EIF5: variants seen among roughly 807,000 people sequenced by gnomAD.
The protein encoded by EIF5 is eukaryotic translation initiation factor 5.
EIF5 carries 10 observed loss-of-function variants against 48.3 expected under a neutral mutation model. The observed-to-expected ratio is 0.21, with a 90% CI of 0.13 to 0.35. EIF5 has a LOEUF of 0.35. Among genes scored for constraint, EIF5 ranks in the 10% least tolerant of loss-of-function variants. The pLI is 1.00. For synonymous variants in EIF5, 237 were observed against 173.1 expected (o/e 1.37, Z -2.90); for missense variants, 397 against 533.2 (o/e 0.74, Z 2.51).
At chr14:103,336,232 A>G in intron 4 of EIF5, 115 bp downstream of exon 4, 1 of 1,093,554 alleles carries the variant, frequency 9.1e-7, no homozygotes. Context: ...AAGTTAAGTG[A>G]GGAACCGTGG....
rs1566722514 is a variant in EIF5, at chr14:103,339,315, C to T, written c.888C>T (p.Tyr296=). The part of the protein sequence containing the change: ...NEKIREQIKK[Y]RRHFLRFCHN... Reference sequence around the variant, plus strand: ...AGATTAGAGAACAGATTAAGAAATACAGGCGCCATTTCCTACGAGTAAGCA... The same window carrying T: ...AGATTAGAGAACAGATTAAGAAATATAGGCGCCATTTCCTACGAGTAAGCA... Residue 296 remains tyrosine (Y), a synonymous_variant, in exon 9 of 12, where the codon TAC becomes TAT. Coordinates refer to ENST00000216554, the MANE Select transcript of EIF5 (RefSeq NM_001969.5). 5 of 1,594,806 alleles carry T rather than the reference C, an allele frequency of 3.1e-6. No individual in the cohort carries two copies. The highest frequency in any genetic ancestry group is 4.5e-5 in the East Asian group (2 of 44,826).
At position 103,338,419 on chromosome 14, in the gene EIF5, A is replaced by ACACCACCACCAC. The variant is rs548001106; in HGVS notation, c.544_555dup (p.Pro182_Pro185dup). The ACACCACCACCAC allele has an allele frequency of 3.7e-6, 6 of 1,600,440 alleles. No homozygotes were observed. Among genetic ancestry groups the ACACCACCACCAC allele is most frequent in the Non-Finnish European group, 5.1e-6 (6 of 1,172,884 alleles). On this transcript the variant is annotated inframe_insertion, in exon 7 of 12. Transcript: ENST00000216554. ...AAATGGCTCCGTATCCAGCAGTGAG[A>ACACCACCACCAC]CACCACCACCACCACCACCACCAAA...
intron 8 of EIF5, 75 bp downstream of exon 8, chr14:103,338,968 C>T: frequency 1.3e-6 from 2 of 1,549,858 alleles, no homozygotes; most frequent in Non-Finnish European, 1.7e-6. Context: ...GATACTTTAG[C>T]AGTGTAATTA....
chr14:103,337,962 A>AATAT (rs746867235), intron 6 of EIF5: 3 of 536,168 alleles, frequency 5.6e-6, no homozygotes, highest in Non-Finnish European at 1.1e-5. Flanking sequence ...GCCGTTATAT[A>AATAT]GACTTAAACA....
chr14:103,341,221 C>T lies in EIF5; in HGVS notation c.*169C>T. On this transcript the variant is annotated 3_prime_UTR_variant, in exon 12 of 12. Transcript: ENST00000216554. ...TCTGTTATTAAGCCCAATGAGACAT[C>T]TAGGGAGTCCATACACATCAGTGAG... The T allele has an allele frequency of 4.9e-6, 3 of 606,312 alleles. No homozygotes were observed. The South Asian group carries it at 5.7e-5, about 11-fold the overall frequency. 37.6% of individuals were successfully genotyped at this position (606,312 alleles called of 1,614,324 possible).
chr14:103,335,120 C>G (rs566942259), intron 2 of EIF5: 1 of 152,308 alleles, frequency 6.6e-6, no homozygotes. Context: ...CTGGCGTTCG[C>G]TCGCGCTCTC....
chr14:103,336,576 T>C (rs2089289185), intron 4 of EIF5, 101 bp from the exon 5 acceptor site: 2 of 1,242,766 alleles, frequency 1.6e-6, no homozygotes, highest in African/African-American at 1.6e-5. Context: ...GTGAGACTCT[T>C]GTCTCAAAAA....
chr14:103,334,474 C>A lies in EIF5; in HGVS notation c.-332C>A, dbSNP rs902611530. 1 of 152,396 alleles carries A rather than the reference C, an allele frequency of 6.6e-6. No homozygotes were observed. The allele number at this position is 152,396 out of a possible 1,614,324, so 9.4% of individuals were successfully genotyped here. On this transcript the variant is annotated 5_prime_UTR_variant, in exon 2 of 12. Coordinates refer to ENST00000216554, the MANE Select transcript of EIF5 (RefSeq NM_001969.5). ...CGCTGCTCGGCGGCGGCACCTGGCC[C>A]GGCCGCTCCTCGCTGCGCTTCGCCT... is the stretch of plus-strand genomic sequence containing the variant.
rs548232453 is a variant in EIF5, at chr14:103,335,069, C to T, written c.-209+472C>T. 148 of 152,380 alleles carry T rather than the reference C, an allele frequency of 9.7e-4. 1 individual carries two copies. The highest frequency in any genetic ancestry group is 3.3e-3 in the African/African-American group (139 of 41,598). 9.4% of individuals were successfully genotyped at this position (152,380 alleles called of 1,614,324 possible). On this transcript the variant is annotated intron_variant, in intron 2 of 11. Transcript: ENST00000216554. ...CATGGGGACCAGGGCGAAGGTTAAC[C>T]GAGTATTTGAATAGCGAGGAAAAGG... is the stretch of plus-strand genomic sequence containing the variant.
chr14:103,335,047 G>A (rs1270492645), intron 2 of EIF5: 1 of 152,260 alleles, frequency 6.6e-6, no homozygotes, highest in Non-Finnish European at 1.5e-5. Flanking sequence ...CGGTAGCCAT[G>A]GGGACCAGGG....
At position 103,341,980 on chromosome 14, in the gene EIF5, C is replaced by G. The variant is rs550182200; in HGVS notation, c.*928C>G. The stretch of plus-strand genomic sequence containing the variant: ...TTACAATTCCAAAATGTTAGACATA[C>G]TGTATTTTTTCGTTCAGTGTGGCTT... On this transcript the variant is annotated 3_prime_UTR_variant, in exon 12 of 12. Transcript: ENST00000216554. The G allele has an allele frequency of 2.0e-5, 3 of 152,738 alleles. No individual in the cohort carries two copies. The South Asian group carries it at 6.2e-4, about 32-fold the overall frequency. 9.5% of individuals were successfully genotyped at this position (152,738 alleles called of 1,614,324 possible).
intron 7 of EIF5, 95 bp from the exon 8 acceptor site, chr14:103,338,640 G>A: frequency 6.5e-7 from 1 of 1,536,196 alleles, no homozygotes; most frequent in South Asian, 1.3e-5. Context: ...AATTTTGGAT[G>A]GAGATGGACT....
chr14:103,336,008 G>A (rs1341449176), intron 3 of EIF5, 28 bp from the exon 4 acceptor site: 2 of 1,613,854 alleles, frequency 1.2e-6, no homozygotes, highest in Non-Finnish European at 8.5e-7. Flanking sequence ...AGGGGAAACT[G>A]CACAACTAAA....
In EIF5 at chr14:103,336,824, A is replaced by G; in HGVS notation, c.302A>G (p.Glu101Gly). 1 of 1,613,364 alleles carries G rather than the reference A, an allele frequency of 6.2e-7. No individual in the cohort carries two copies. The highest frequency in any genetic ancestry group is 8.5e-7 in the Non-Finnish European group (1 of 1,179,822). ...GFIKKFVLCP[E>G]CENPETDLHV... ...ATTAAAAAATTTGTTCTCTGTCCTG[A>G]ATGTGAGAATCCTGAAACAGATTTG... The change falls in exon 5 of 12, where the codon GAA becomes GGA. Residue 101 changes from glutamate to glycine, a missense_variant. Glu to Gly is a moderately conservative substitution (Grantham distance 98). Transcript: ENST00000216554.
chr14:103,338,683 T>A (rs1350317200), intron 7 of EIF5, 52 bp from the exon 8 acceptor site: 1 of 1,584,572 alleles, frequency 6.3e-7, no homozygotes, highest in African/African-American at 1.4e-5. Context: ...TCTGAACCTT[T>A]TTGTTGTTGT....
At chr14:103,339,392 T>C in intron 9 of EIF5, 59 bp downstream of exon 9, 1 of 1,541,934 alleles carries the variant, frequency 6.5e-7, no homozygotes. Context: ...TTCGAGATGG[T>C]CATATTAACC....
rs768230423 is a variant in EIF5 at position 103,337,868 on chromosome 14, A to G, written c.440-459A>G. 9 of 520,060 alleles carry G rather than the reference A, an allele frequency of 1.7e-5. No homozygotes were observed. In the East Asian group the frequency reaches 3.3e-4, roughly 19 times the overall value. 32.2% of individuals were successfully genotyped at this position (520,060 alleles called of 1,614,324 possible). A position where few individuals can be genotyped will look rare whatever the true frequency, so the allele number is the denominator to read the frequency against. On this transcript the variant is annotated intron_variant, in intron 6 of 11. Transcript: ENST00000216554. ...TATTGCAAGCAACACTCTGTGGCAG[A>G]TGATCAAAACTGTCTGACACAATTT... is the stretch of plus-strand genomic sequence containing the variant.
In EIF5 at chr14:103,335,655, C is replaced by G; in HGVS notation, c.-206C>G. Reference sequence around the variant, plus strand: ...TGTTCTTTCCCTTTTTCTTTCAGAGCTGTTGCGCAGCCATTGGTACCTGTA... The same window carrying G: ...TGTTCTTTCCCTTTTTCTTTCAGAGGTGTTGCGCAGCCATTGGTACCTGTA... On this transcript the variant is annotated splice_region_variant and 5_prime_UTR_variant, in exon 3 of 12. Coordinates refer to ENST00000216554, the MANE Select transcript of EIF5 (RefSeq NM_001969.5). The G allele has an allele frequency of 3.5e-6, 2 of 572,900 alleles. No individual in the cohort carries two copies. Among genetic ancestry groups the G allele is most frequent in the South Asian group, 2.3e-5 (1 of 44,222 alleles). 35.5% of individuals were successfully genotyped at this position (572,900 alleles called of 1,614,324 possible).
chr14:103,336,668 T>C lies in EIF5; in HGVS notation c.155-9T>C, dbSNP rs763277516. On this transcript the variant is annotated splice_polypyrimidine_tract_variant and intron_variant, in intron 4 of 11. Transcript: ENST00000216554. ...TGTAACGATCCAAACTCCTTTTTCA[T>C]TCAAATAGATCCCACCAAATATTTT... 3 of 1,598,332 alleles carry C rather than the reference T, an allele frequency of 1.9e-6. No homozygotes were observed. The highest frequency in any genetic ancestry group is 1.8e-5 in the Admixed American group (1 of 55,920).
Sources: allele counts gnomAD v4.1 joint callset, GRCh38; gene constraint gnomAD v4.1.1; transcripts MANE v1.5; gene names NCBI Gene and HGNC (gene_info 2026-07-23, HGNC 2026-07-21).